TNFRSF1B: variants seen among roughly 807,000 people sequenced by gnomAD.
TNFRSF1B encodes the protein tumor necrosis factor receptor superfamily member 1B.
TNFRSF1B carries 19 observed loss-of-function variants against 44.6 expected under a neutral mutation model. The observed-to-expected ratio is 0.43, with a 90% CI of 0.30 to 0.62. The LOEUF (loss-of-function observed/expected upper bound fraction) is 0.62, where lower values mean the gene tolerates loss of function less well. Ranked by LOEUF, TNFRSF1B falls within the 20% of genes least tolerant of loss-of-function variation. TNFRSF1B has a pLI of 0.16. For missense variants in TNFRSF1B, 541 were observed against 619.9 expected (o/e 0.87, Z 1.35); for synonymous variants, 252 against 261.1 (o/e 0.97, Z 0.34).
At chr1:12,195,368 C>T (rs983100758) in intron 8 of TNFRSF1B, among the ~76,000 whole-genome samples, 19 of 152,290 alleles carry the variant, frequency 1.2e-4, no homozygotes, top group African/African-American at 4.3e-4. Context: ...TTGGTGTCTG[C>T]TGGAATGGCC....
In TNFRSF1B at chr1:12,183,740, TCTATCTATCTAGCTAG is replaced by T. The variant is rs1474986122; in HGVS notation, c.79-5052_79-5037del. Among the ~76,000 whole-genome samples the T allele has an allele frequency of 6.9e-5, 9 of 131,088 alleles. 1 individual carries two copies. Among genetic ancestry groups the T allele is most frequent in the African/African-American group, 1.1e-4 (4 of 36,870 alleles). 86.0% of individuals were successfully genotyped at this position (131,088 alleles called of 152,430 possible). A position where few individuals can be genotyped will look rare whatever the true frequency, so the allele number is the denominator to read the frequency against. On this transcript the variant is annotated intron_variant, in intron 1 of 9. Transcript: ENST00000376259. Reference sequence around the variant, plus strand: ...ATCTACCTATCTATCTATCTATCTATCTATCTATCTAGCTAGCTAGCTAGCTAGCTATCTATTCTAT... The same window carrying T: ...ATCTACCTATCTATCTATCTATCTATCTAGCTAGCTAGCTATCTATTCTAT...
At chr1:12,193,814 T>C (rs1639205671) in intron 6 of TNFRSF1B, 141 bp from the exon 7 acceptor site, 2 of 657,900 alleles carry the variant, frequency 3.0e-6, no homozygotes, top group South Asian at 1.8e-5. Flanking sequence ...TGCTTTGTAA[T>C]TGGATTTGAG....
chr1:12,184,222 AG>A (rs1638922519), intron 1 of TNFRSF1B, among the ~76,000 whole-genome samples: 1 of 152,178 alleles, frequency 6.6e-6, no homozygotes, highest in South Asian at 2.1e-4. Context: ...GCCGGCTCCC[AG>A]GGCTGTGGTT....
intron 1 of TNFRSF1B, among the ~76,000 whole-genome samples, chr1:12,183,674 ATCT>A (rs1301612055): frequency 8.0e-6 from 1 of 124,380 alleles, no homozygotes; most frequent in Non-Finnish European, 1.8e-5. Context: ...CTATCTATCT[ATCT>A]ATCTATCTAT....
chr1:12,193,019 T>C lies in TNFRSF1B; in HGVS notation c.708T>C (p.Ala236=). Residue 236 remains alanine, a synonymous_variant, in exon 6 of 10, where the codon GCT becomes GCC. Transcript: ENST00000376259. ...AGCCAACTCCAGAACCCAGCACTGC[T>C]CCAAGCACCTCCTTCCTGCTCCCAA... ...HTQPTPEPST[A]PSTSFLLPMG... The C allele has an allele frequency of 6.2e-7, 1 of 1,614,134 alleles. No homozygotes were observed.
intron 3 of TNFRSF1B, 49 bp from the exon 4 acceptor site, chr1:12,191,725 G>T (rs1557634190): frequency 1.9e-6 from 3 of 1,610,020 alleles, no homozygotes; most frequent in South Asian, 2.2e-5. Context: ...GGGCAGCGTG[G>T]GTGTGGCGGA....
chr1:12,173,919 C>T (rs1264009080), intron 1 of TNFRSF1B, among the ~76,000 whole-genome samples: 1 of 152,086 alleles, frequency 6.6e-6, no homozygotes, highest in African/African-American at 2.4e-5. Context: ...TGGCTGTGAG[C>T]CCCGGAGGAG....
In TNFRSF1B at chr1:12,188,891, G is replaced by A. The variant is rs149960043; in HGVS notation, c.174G>A (p.Ser58=). Residue 58 remains serine (S), a synonymous_variant, in exon 2 of 10, where the codon TCG becomes TCA. Coordinates refer to ENST00000376259, the MANE Select transcript of TNFRSF1B (RefSeq NM_001066.3). ...QTAQMCCSKC[S]PGQHAKVFCT... is the part of the protein sequence containing the mutation. ...CTCAGATGTGCTGCAGCAAATGCTC[G>A]CCGGGTGAGGGCAGCCACGGGGGCA... is the stretch of plus-strand genomic sequence containing the variant. 8.2e-5 allele frequency: 132 copies of A among 1,612,810 alleles called. No individual in the cohort carries two copies. In the East Asian group the frequency reaches 2.2e-3, roughly 27 times the overall value.
In TNFRSF1B at chr1:12,168,213, C is replaced by T. The variant is rs1638439114; in HGVS notation, c.78+1044C>T. Among the ~76,000 whole-genome samples the T allele has an allele frequency of 1.3e-5, 2 of 152,226 alleles. No homozygotes were observed. Among genetic ancestry groups the T allele is most frequent in the South Asian group, 4.1e-4 (2 of 4,832 alleles). On this transcript the variant is annotated intron_variant, in intron 1 of 9. Coordinates refer to ENST00000376259, the MANE Select transcript of TNFRSF1B (RefSeq NM_001066.3). The surrounding 1 kb of genome is among the most constrained non-coding windows in gnomAD (Gnocchi z 4.7). ...CGTTCATCCTTCCTCAGAGCCGCCC[C>T]TGATGGACACATGGCCCATCTGCCC... is the stretch of plus-strand genomic sequence containing the variant.
At chr1:12,202,192 T>A in intron 9 of TNFRSF1B, 21 bp downstream of exon 9, 9 of 1,538,724 alleles carry the variant, frequency 5.8e-6, no homozygotes, top group Non-Finnish European at 7.9e-6. Flanking sequence ...GGAGCACACC[T>A]GGCTTCTTCC....
At chr1:12,200,560 G>C (rs983271935) in intron 8 of TNFRSF1B, among the ~76,000 whole-genome samples, 2 of 152,160 alleles carry the variant, frequency 1.3e-5, no homozygotes, top group African/African-American at 2.4e-5. Flanking sequence ...AGAGTGGTGT[G>C]TTCCTATCTA....
intron 1 of TNFRSF1B, among the ~76,000 whole-genome samples, chr1:12,181,958 C>A (rs1389063886): frequency 6.6e-6 from 1 of 152,216 alleles, no homozygotes; most frequent in Non-Finnish European, 1.5e-5. Flanking sequence ...CTTAGAGCAT[C>A]AACCAGGCCC....
chr1:12,183,736 T>G (rs574091180), intron 1 of TNFRSF1B, among the ~76,000 whole-genome samples: 10 of 126,662 alleles, frequency 7.9e-5, no homozygotes, highest in East Asian at 2.2e-4. Context: ...TATCTATCTA[T>G]CTATCTATCT....
At position 12,186,571 on chromosome 1, in the gene TNFRSF1B, G is replaced by A. The variant is rs935044806; in HGVS notation, c.79-2225G>A. Reference sequence around the variant, plus strand: ...CAGAGAGGTTAAGGCACTTGCCTAAGGCCACACAGCCGCTAAGTGGTGGAG... The same window carrying A: ...CAGAGAGGTTAAGGCACTTGCCTAAAGCCACACAGCCGCTAAGTGGTGGAG... On this transcript the variant is annotated intron_variant, in intron 1 of 9. Coordinates refer to ENST00000376259, the MANE Select transcript of TNFRSF1B (RefSeq NM_001066.3). This position sits in a 1 kb window ranked among gnomAD's most constrained non-coding sequence, Gnocchi z 4.8. Among the ~76,000 whole-genome samples the A allele has an allele frequency of 6.6e-6, 1 of 152,216 alleles. No individual in the cohort carries two copies. The highest frequency in any genetic ancestry group is 6.5e-5 in the Admixed American group (1 of 15,286).
rs1357950326 is a variant in TNFRSF1B at position 12,186,281 on chromosome 1, G to A, written c.79-2515G>A. 6.6e-6 allele frequency among the ~76,000 whole-genome samples: 1 copy of A among 152,206 alleles called. No individual in the cohort carries two copies. Among genetic ancestry groups the A allele is most frequent in the Non-Finnish European group, 1.5e-5 (1 of 68,036 alleles). ...CGCTATAGGTGCAGCCAAACGCTCA[G>A]CAGGCCCAAACTCTGGGCAGTCCTG... On this transcript the variant is annotated intron_variant, in intron 1 of 9. Transcript: ENST00000376259. This position sits in a 1 kb window ranked among gnomAD's most constrained non-coding sequence, Gnocchi z 4.8.
At chr1:12,196,824 A>G (rs915253501) in intron 8 of TNFRSF1B, among the ~76,000 whole-genome samples, 1 of 152,036 alleles carries the variant, frequency 6.6e-6, no homozygotes, top group Non-Finnish European at 1.5e-5. Flanking sequence ...TGTCTCCCCC[A>G]AGCTCTTCCG....
chr1:12,182,240 C>A (rs190148443), intron 1 of TNFRSF1B, among the ~76,000 whole-genome samples: 60 of 152,280 alleles, frequency 3.9e-4, no homozygotes, highest in African/African-American at 1.3e-3. Flanking sequence ...GATGCTGGGA[C>A]AGCTCTTCGT....
At chr1:12,189,707 T>A (rs1639068919) in intron 2 of TNFRSF1B, among the ~76,000 whole-genome samples, 1 of 152,104 alleles carries the variant, frequency 6.6e-6, no homozygotes, top group Non-Finnish European at 1.5e-5. Context: ...CATTAGGAGA[T>A]GTGTGGTCCT....
chr1:12,167,537 C>T (rs940588598), intron 1 of TNFRSF1B: 2 of 389,512 alleles, frequency 5.1e-6, no homozygotes, highest in African/African-American at 2.2e-5. Flanking sequence ...CCGGCGACTG[C>T]CGCGACAGCC....
Sources: gnomAD v4.1 joint callset for allele counts (sites outside exome capture counted in the v4.1 genomes callset) on GRCh38, gnomAD v4.1.1 for gene constraint, Gnocchi (gnomAD v3.1) non-coding constraint, MANE v1.5 for transcripts, NCBI Gene and HGNC (gene_info 2026-07-23, HGNC 2026-07-21) for gene names.